BECN1: variants seen among roughly 807,000 people sequenced by gnomAD.
BECN1 encodes beclin-1.
A neutral mutation model predicts 60.1 loss-of-function variants in BECN1; 15 were observed. That is an observed-to-expected ratio of 0.25 (90% CI 0.17 to 0.38). The LOEUF (loss-of-function observed/expected upper bound fraction) is 0.38. BECN1 is among the 10% of genes least tolerant of loss of function. The pLI is 1.00. For missense variants in BECN1, 424 were observed against 548.2 expected (o/e 0.77, Z 2.26); for synonymous variants, 179 against 201.8 (o/e 0.89, Z 0.96).
chr17:42,813,103 C>G (rs932084405), intron 10 of BECN1, among the ~76,000 whole-genome samples: 83 of 151,266 alleles, frequency 5.5e-4, no homozygotes, highest in African/African-American at 2.0e-3. Flanking sequence ...CTTGGCCTCC[C>G]AAAGTGCTGG....
At position 42,818,419 on chromosome 17, in the gene BECN1, C is replaced by T; in HGVS notation, c.489-4G>A. On this transcript the variant is annotated splice_region_variant and splice_polypyrimidine_tract_variant and intron_variant, in intron 6 of 11. Coordinates refer to ENST00000590099, the MANE Select transcript of BECN1 (RefSeq NM_001313998.2). ...CTCTAAGATCTCCAAACAGCGTCTGCCAAAGACACAGGCAGACTATACTTA... is the reference window on the plus strand; with the variant it reads ...CTCTAAGATCTCCAAACAGCGTCTGTCAAAGACACAGGCAGACTATACTTA... 2 of 1,614,000 alleles carry T rather than the reference C, an allele frequency of 1.2e-6. No homozygotes were observed. The highest frequency in any genetic ancestry group is 1.1e-5 in the South Asian group (1 of 91,068).
At chr17:42,813,363 C>A (rs548847397) in intron 10 of BECN1, among the ~76,000 whole-genome samples, 1 of 151,690 alleles carries the variant, frequency 6.6e-6, no homozygotes. Context: ...TGGTAAAACC[C>A]CATCTCTACT....
At chr17:42,812,047 A>C in intron 10 of BECN1, 1 of 443,012 alleles carries the variant, frequency 2.3e-6, no homozygotes, top group East Asian at 3.8e-5. Context: ...CAAAAATCCA[A>C]ATTGCTACAA....
chr17:42,818,340 T>C lies in BECN1; in HGVS notation c.564A>G (p.Ala188=). ...EQLQMELKEL[A]LEEERLIQEL... ...CCTGGATCAGCCTCTCCTCCTCTAG[T>C]GCCAGCTCCTTTAGCTCCATCTGTA... Residue 188 remains alanine (A), a synonymous_variant, in exon 7 of 12, where the codon GCA becomes GCG. Transcript: ENST00000590099. 6.2e-7 allele frequency: 1 copy of C among 1,614,254 alleles called. No homozygotes were observed. Among genetic ancestry groups the C allele is most frequent in the Non-Finnish European group, 8.5e-7 (1 of 1,180,036 alleles).
chr17:42,810,667 C>A lies in BECN1; in HGVS notation c.*93G>T. On this transcript the variant is annotated 3_prime_UTR_variant, in exon 12 of 12. Coordinates refer to ENST00000590099, the MANE Select transcript of BECN1 (RefSeq NM_001313998.2). ...TCTTTTTTGGTATTGTAAACATGTA[C>A]TGTTTAATATTACCCGAATTTAATT... The A allele has an allele frequency of 1.5e-6, 2 of 1,327,794 alleles. No homozygotes were observed. Among genetic ancestry groups the A allele is most frequent in the Admixed American group, 2.4e-5 (1 of 40,880 alleles). 82.3% of individuals were successfully genotyped at this position (1,327,794 alleles called of 1,614,324 possible).
chr17:42,823,805 G>A lies in BECN1; in HGVS notation c.73C>T (p.Leu25=), dbSNP rs769296571. The change falls in exon 2 of 12, where the codon CTG becomes TTG. Residue 25 remains leucine (L), a synonymous_variant. Coordinates refer to ENST00000590099, the MANE Select transcript of BECN1 (RefSeq NM_001313998.2). ...ATCTTGAAACTCGTGTCCAGTTTCA[G>A]GGGCTGGCTGCAGCGCTGGCACACG... ...SFVCQRCSQP[L]KLDTSFKILD... The A allele has an allele frequency of 1.3e-5, 21 of 1,614,028 alleles. No individual in the cohort carries two copies. Among genetic ancestry groups the A allele is most frequent in the Non-Finnish European group, 1.7e-5 (20 of 1,180,016 alleles).
At chr17:42,819,124 T>C in intron 4 of BECN1, 2 of 538,048 alleles carry the variant, frequency 3.7e-6, no homozygotes, top group Non-Finnish European at 6.5e-6. Flanking sequence ...GCATAAAAAA[T>C]TCATATGTCT....
intron 3 of BECN1, among the ~76,000 whole-genome samples, chr17:42,820,191 G>C (rs1262486053): frequency 1.3e-5 from 2 of 152,148 alleles, no homozygotes; most frequent in African/African-American, 2.4e-5. Flanking sequence ...CCCAGTGACT[G>C]GCAGCTGTGG....
At chr17:42,823,705 C>T in intron 2 of BECN1, 43 bp downstream of exon 2, 1 of 1,601,678 alleles carries the variant, frequency 6.2e-7, no homozygotes, top group Admixed American at 1.7e-5. Flanking sequence ...AGCTGCCCAC[C>T]TTCCACATTC....
rs766282113 is a variant in BECN1 at position 42,818,738 on chromosome 17, A to C, written c.351+49T>G. The C allele has an allele frequency of 3.5e-5, 57 of 1,612,090 alleles. No homozygotes were observed. In the Middle Eastern group the frequency reaches 8.3e-4, roughly 23 times the overall value. On this transcript the variant is annotated intron_variant, in intron 5 of 11. Transcript: ENST00000590099. ...CCCCATGCTTCCTGCTCAATTACCC[A>C]CTCTCCCAGCCAGGCCTACTGCTTG...
At chr17:42,812,501 CAGG>C (rs1006464412) in intron 10 of BECN1, 20 of 151,962 alleles carry the variant, frequency 1.3e-4, no homozygotes, top group African/African-American at 4.8e-4. Flanking sequence ...ATCATGAGGT[CAGG>C]AGATCAAGAC....
chr17:42,818,906 C>T (rs746702569), intron 4 of BECN1, 29 bp from the exon 5 acceptor site: 1 of 1,611,684 alleles, frequency 6.2e-7, no homozygotes, highest in Non-Finnish European at 8.5e-7. Context: ...CCACGGGCCA[C>T]ATGAGGGAAC....
chr17:42,811,282 G>A, intron 11 of BECN1: 1 of 277,930 alleles, frequency 3.6e-6, no homozygotes, highest in Non-Finnish European at 6.6e-6. Context: ...GGTGATAGAA[G>A]CAGCCTTACT....
intron 8 of BECN1, 28 bp downstream of exon 8, chr17:42,815,880 G>A (rs1446394676): frequency 1.2e-6 from 2 of 1,614,060 alleles, no homozygotes; most frequent in Non-Finnish European, 1.7e-6. Context: ...GATATGTGCA[G>A]TGCTCCTCAT....
At chr17:42,817,848 C>T (rs2055177977) in intron 7 of BECN1, among the ~76,000 whole-genome samples, 1 of 152,108 alleles carries the variant, frequency 6.6e-6, no homozygotes. Context: ...CATACCTGGC[C>T]CCCATGAAAT....
At chr17:42,815,754 T>C (rs746170671) in intron 8 of BECN1, 154 bp downstream of exon 8, 1 of 961,026 alleles carries the variant, frequency 1.0e-6, no homozygotes, top group Non-Finnish European at 1.6e-6. Flanking sequence ...TTCCAATCCC[T>C]ACTGTGCCTA....
chr17:42,814,193 T>C (rs1016596220), intron 9 of BECN1, 185 bp from the exon 10 acceptor site: 26 of 550,552 alleles, frequency 4.7e-5, no homozygotes, highest in Non-Finnish European at 7.0e-5. Flanking sequence ...AAACTACATT[T>C]ATTATATAAT....
chr17:42,823,906 T>G (rs1217069948), intron 1 of BECN1, 27 bp from the exon 2 acceptor site: 2 of 1,605,866 alleles, frequency 1.2e-6, no homozygotes, highest in East Asian at 2.2e-5. Flanking sequence ...GAGGCAACAT[T>G]AGGGAGAAGC....
intron 1 of BECN1, 120 bp from the exon 2 acceptor site, chr17:42,823,999 C>G: frequency 7.7e-7 from 1 of 1,305,912 alleles, no homozygotes; most frequent in East Asian, 2.5e-5. Flanking sequence ...TGCGCCGTTC[C>G]CTCTAGGAAT....
Sources: allele counts gnomAD v4.1 joint callset (sites outside exome capture counted in the v4.1 genomes callset), GRCh38; gene constraint gnomAD v4.1.1; transcripts MANE v1.5; gene names NCBI Gene and HGNC (gene_info 2026-07-23, HGNC 2026-07-21).